The following MTCL1 variants were observed in gnomAD, a reference collection of about 807,000 sequenced individuals.
The protein encoded by MTCL1 is microtubule cross-linking factor 1.
A neutral mutation model predicts 141.4 loss-of-function variants in MTCL1; 79 were observed. The ratio of observed to expected loss-of-function variants is 0.56; its 90% CI spans 0.47 to 0.67. MTCL1 has a LOEUF of 0.67. Ranked by LOEUF, MTCL1 falls within the 30% of genes least tolerant of loss-of-function variation. The pLI is 0.00. For missense variants in MTCL1, 2,177 were observed against 2,113.9 expected (o/e 1.03, Z -0.59); for synonymous variants, 914 against 875.8 (o/e 1.04, Z -0.77).
chr18:8,826,017 A>G (rs1274654512), exon 15 of MTCL1: 1 of 1,609,732 alleles, frequency 6.2e-7, no homozygotes, highest in South Asian at 1.1e-5. Flanking sequence ...GGGGTCAGAG[A>G]TGTGCAGGGA....
intron 14 of MTCL1, among the ~76,000 whole-genome samples, chr18:8,823,977 G>A (rs987117179): frequency 6.6e-6 from 1 of 152,208 alleles, no homozygotes; most frequent in Non-Finnish European, 1.5e-5. Flanking sequence ...GTATCAGTAT[G>A]TCCTGTAAGA....
At chr18:8,757,978 G>A (rs1440438338) in intron 4 of MTCL1, among the ~76,000 whole-genome samples, 2 of 150,678 alleles carry the variant, frequency 1.3e-5, no homozygotes, top group Non-Finnish European at 3.0e-5. Flanking sequence ...CCTTTGTGAA[G>A]TGTTTTCAAT....
At chr18:8,784,603 C>A in exon 6 of MTCL1, 1 of 1,612,242 alleles carries the variant, frequency 6.2e-7, no homozygotes. Context: ...GCCTCCAGGG[C>A]GAAGAGGAGC....
intron 8 of MTCL1, among the ~76,000 whole-genome samples, chr18:8,795,510 A>G (rs571832187): frequency 5.9e-5 from 9 of 152,358 alleles, no homozygotes; most frequent in African/African-American, 2.2e-4. Flanking sequence ...TTGTTGCTTG[A>G]AAAAGTGTCT....
At chr18:8,819,053 C>T in exon 13 of MTCL1, 1 of 1,614,274 alleles carries the variant, frequency 6.2e-7, no homozygotes, top group Non-Finnish European at 8.5e-7. Flanking sequence ...CCAGGGAAGC[C>T]TCCGCATGCC....
intron 4 of MTCL1, among the ~76,000 whole-genome samples, chr18:8,755,383 T>C (rs1241360943): frequency 6.6e-6 from 1 of 152,206 alleles, no homozygotes; most frequent in African/African-American, 2.4e-5. Context: ...AGGTTGGAGT[T>C]TAACAAGGGA....
intron 11 of MTCL1, among the ~76,000 whole-genome samples, chr18:8,807,285 G>T (rs1235296534): frequency 1.3e-5 from 2 of 152,144 alleles, no homozygotes; most frequent in African/African-American, 2.4e-5. Flanking sequence ...AGCATTTTCA[G>T]AGCAGCATGT....
chr18:8,783,286 T>A (rs967164949), intron 5 of MTCL1, among the ~76,000 whole-genome samples: 1 of 152,164 alleles, frequency 6.6e-6, no homozygotes, highest in African/African-American at 2.4e-5. Flanking sequence ...TAATTTTTTT[T>A]TGTTTCTTTT....
intron 4 of MTCL1, among the ~76,000 whole-genome samples, chr18:8,757,475 A>G (rs2096407862): frequency 1.3e-5 from 2 of 152,218 alleles, no homozygotes. Context: ...AAGTTTCCAT[A>G]AAGTTTTTAT....
chr18:8,785,437 G>A (rs1379199840), intron 6 of MTCL1, among the ~76,000 whole-genome samples: 4 of 152,246 alleles, frequency 2.6e-5, no homozygotes, highest in Admixed American at 1.3e-4. Flanking sequence ...GGCTCCTGCC[G>A]CCCTGCCGCC....
intron 8 of MTCL1, 107 bp downstream of exon 7, chr18:8,793,227 T>A: frequency 6.7e-7 from 1 of 1,503,278 alleles, no homozygotes; most frequent in Non-Finnish European, 9.0e-7. Context: ...GCGTACAGGC[T>A]GCTAGACTCC....
In MTCL1 at chr18:8,710,146, G is replaced by T. The variant is rs542009177; in HGVS notation, c.1053+3433G>T. Among the ~76,000 whole-genome samples the T allele has an allele frequency of 3.4e-3, 516 of 152,220 alleles. 4 individuals carry two copies. Among genetic ancestry groups the T allele is most frequent in the South Asian group, 9.5e-3 (46 of 4,818 alleles). ...TGAGCCACCGCGCCCGGCCTGGCCT[G>T]TATTTTTTTAAATAGTCAGTGTCAA... On this transcript the variant is annotated intron_variant, in intron 1 of 13. Transcript: ENST00000306329.
intron 11 of MTCL1, among the ~76,000 whole-genome samples, chr18:8,808,025 T>G (rs1211464846): frequency 7.3e-6 from 1 of 136,176 alleles, no homozygotes; most frequent in Admixed American, 7.3e-5. Flanking sequence ...AAAAAAAAAC[T>G]CCAGCTCTCC....
chr18:8,820,512 T>C (rs572049110), intron 13 of MTCL1, among the ~76,000 whole-genome samples: 17 of 152,366 alleles, frequency 1.1e-4, no homozygotes, highest in African/African-American at 4.1e-4. Context: ...GAAGAGTTCA[T>C]ATCAAATAGT....
chr18:8,775,726 C>T (rs1262048544), intron 4 of MTCL1, among the ~76,000 whole-genome samples: 2 of 152,128 alleles, frequency 1.3e-5, no homozygotes, highest in Non-Finnish European at 1.5e-5. Context: ...TAGTGTGACC[C>T]ACTTTACCAA....
chr18:8,776,830 T>C (rs2096511972), intron 4 of MTCL1, among the ~76,000 whole-genome samples: 1 of 152,122 alleles, frequency 6.6e-6, no homozygotes, highest in Non-Finnish European at 1.5e-5. Context: ...GGCCTGATCA[T>C]AGCTCATTGC....
intron 4 of MTCL1, among the ~76,000 whole-genome samples, chr18:8,736,252 A>G (rs1337761671): frequency 6.6e-6 from 1 of 152,210 alleles, no homozygotes; most frequent in Non-Finnish European, 1.5e-5. Context: ...ATGTGACATC[A>G]TGCATCTTAA....
chr18:8,705,677 G>T lies in MTCL1; in HGVS notation c.17G>T (p.Gly6Val). The T allele has an allele frequency of 1.7e-6, 2 of 1,201,644 alleles. No individual in the cohort carries two copies. Among genetic ancestry groups the T allele is most frequent in the Non-Finnish European group, 2.1e-6 (2 of 968,490 alleles). 74.4% of individuals were successfully genotyped at this position (1,201,644 alleles called of 1,614,324 possible). A position where few individuals can be genotyped will look rare whatever the true frequency, so the allele number is the denominator to read the frequency against. ...GACCCGGCCATGGAGACACTGAACG[G>T]CCCCGCGGGCGGAGGTGCCCCGGAC... is the stretch of plus-strand genomic sequence containing the variant. Residue 6 changes from glycine to valine, a missense_variant, in exon 1 of 14, where the codon GGC becomes GTC. By Grantham distance (109) the Gly-to-Val change is moderately radical (BLOSUM62 -3). Transcript: ENST00000306329. The surrounding 1 kb of genome is among the most constrained non-coding windows in gnomAD (Gnocchi z 5.2).
intron 13 of MTCL1, 66 bp downstream of exon 12, chr18:8,819,325 A>G: frequency 1.3e-6 from 2 of 1,545,464 alleles, no homozygotes; most frequent in Middle Eastern, 2.2e-4. Context: ...GAAACCTAAG[A>G]GGCATCTGCC....
Sources: gnomAD v4.1 joint callset for allele counts (sites outside exome capture counted in the v4.1 genomes callset) on GRCh38, gnomAD v4.1.1 for gene constraint, Gnocchi (gnomAD v3.1) non-coding constraint, MANE v1.5 for transcripts, NCBI Gene and HGNC (gene_info 2026-07-23, HGNC 2026-07-21) for gene names.